The following DLG2 variants were observed in gnomAD, a reference collection of about 807,000 sequenced individuals.
DLG2 encodes discs large MAGUK scaffold protein 2, also known as disks large homolog 2.
DLG2 carries 45 observed loss-of-function variants against 132.5 expected under a neutral mutation model. That is an observed-to-expected ratio of 0.34 (90% confidence interval 0.27 to 0.44). The LOEUF is 0.44. DLG2 is among the 20% of genes least tolerant of loss of function. DLG2 has a pLI of 1.00. For synonymous variants in DLG2, 424 were observed against 419.6 expected (o/e 1.01, Z -0.13); for missense variants, 1,045 against 1,196.9 (o/e 0.87, Z 1.87).
At chr11:85,251,793 A>T (rs2076408861) in intron 4 of DLG2, among the ~76,000 whole-genome samples, 1 of 152,014 alleles carries the variant, frequency 6.6e-6, no homozygotes, top group Non-Finnish European at 1.5e-5. Flanking sequence ...AATATCATAC[A>T]ATATTTTATG....
At chr11:84,944,339 C>T (rs2049902918) in intron 6 of DLG2, among the ~76,000 whole-genome samples, 1 of 152,166 alleles carries the variant, frequency 6.6e-6, no homozygotes. Flanking sequence ...TCTCCATCTA[C>T]TTCCTCTTTA....
At chr11:83,784,092 G>A (rs1298378338) in intron 18 of DLG2, among the ~76,000 whole-genome samples, 1 of 152,132 alleles carries the variant, frequency 6.6e-6, no homozygotes, top group Non-Finnish European at 1.5e-5. Context: ...TGTATTCACT[G>A]AAAGTCTAAT....
At chr11:84,641,800 G>C (rs980148638) in intron 6 of DLG2, among the ~76,000 whole-genome samples, 4 of 151,940 alleles carry the variant, frequency 2.6e-5, no homozygotes, top group Non-Finnish European at 4.4e-5. Flanking sequence ...AAAATGCTTA[G>C]AACATTACCT....
intron 7 of DLG2, among the ~76,000 whole-genome samples, chr11:84,420,645 GTTTTCTTTTTT>G (rs2098945974): frequency 1.8e-4 from 9 of 48,944 alleles, no homozygotes; most frequent in Non-Finnish European, 4.4e-4. Context: ...ACCAATGCTT[GTTTTCTTTTTT>G]TTTTTTTTTT....
chr11:84,263,556 A>AT (rs2097573975), intron 7 of DLG2, among the ~76,000 whole-genome samples: 1 of 152,136 alleles, frequency 6.6e-6, no homozygotes, highest in African/African-American at 2.4e-5. Context: ...TCTCTTCTAT[A>AT]TAAAGAGTAA....
intron 6 of DLG2, among the ~76,000 whole-genome samples, chr11:84,661,888 G>A (rs1394058561): frequency 6.6e-6 from 1 of 152,146 alleles, no homozygotes; most frequent in African/African-American, 2.4e-5. Flanking sequence ...CTCATCTCAA[G>A]TTTCCTTAAA....
chr11:84,365,496 T>A (rs1405800214), intron 7 of DLG2, among the ~76,000 whole-genome samples: 1 of 152,162 alleles, frequency 6.6e-6, no homozygotes, highest in Non-Finnish European at 1.5e-5. Flanking sequence ...AAGGGTTTTT[T>A]ATGTCTCTAT....
chr11:85,149,492 C>T (rs2077086514), intron 5 of DLG2, among the ~76,000 whole-genome samples: 1 of 152,066 alleles, frequency 6.6e-6, no homozygotes. Flanking sequence ...ACTTCCCATC[C>T]CATCTTTGTT....
At chr11:83,709,546 C>T (rs1265680086) in intron 18 of DLG2, among the ~76,000 whole-genome samples, 1 of 152,004 alleles carries the variant, frequency 6.6e-6, no homozygotes, top group Non-Finnish European at 1.5e-5. Context: ...TTTACCACCC[C>T]AGTGCTGGTA....
intron 9 of DLG2, among the ~76,000 whole-genome samples, chr11:84,144,246 G>A (rs760560259): frequency 3.9e-5 from 6 of 151,984 alleles, no homozygotes; most frequent in African/African-American, 9.7e-5. Context: ...TTTGATTTAC[G>A]GTCTGTAGAT....
chr11:84,201,387 A>G (rs932028269), intron 8 of DLG2, among the ~76,000 whole-genome samples: 1 of 152,170 alleles, frequency 6.6e-6, no homozygotes, highest in African/African-American at 2.4e-5. Flanking sequence ...TTCATCAAGC[A>G]TCGTGCCCTG....
intron 7 of DLG2, among the ~76,000 whole-genome samples, chr11:84,292,236 T>G (rs758912886): frequency 6.6e-6 from 1 of 152,040 alleles, no homozygotes; most frequent in Non-Finnish European, 1.5e-5. Context: ...AGGCTCAGAG[T>G]AACGACATAT....
At chr11:85,487,172 C>T (rs1189598121) in intron 3 of DLG2, among the ~76,000 whole-genome samples, 2 of 151,308 alleles carry the variant, frequency 1.3e-5, no homozygotes, top group African/African-American at 2.4e-5. Flanking sequence ...AAAATCCTCC[C>T]CCATGAAAGC....
chr11:85,507,282 G>A lies in DLG2; in HGVS notation c.40+91375C>T, dbSNP rs551394380. Among the ~76,000 whole-genome samples, 6 of 152,234 alleles carry A rather than the reference G, an allele frequency of 3.9e-5. No homozygotes were observed. In the South Asian group the frequency reaches 1.2e-3, roughly 32 times the overall value. ...TGTTAGCTGGTTATTTTGCTTGTTAGTTGATGCAGTTTCTTCCTAGCATCA... is the reference window on the plus strand; with the variant it reads ...TGTTAGCTGGTTATTTTGCTTGTTAATTGATGCAGTTTCTTCCTAGCATCA... On this transcript the variant is annotated intron_variant, in intron 3 of 27. Transcript: ENST00000376104.
intron 6 of DLG2, among the ~76,000 whole-genome samples, chr11:85,015,036 C>T (rs998488571): frequency 6.6e-6 from 1 of 152,126 alleles, no homozygotes. Flanking sequence ...TTTAAGCCTC[C>T]CCTCTTGACT....
intron 5 of DLG2, among the ~76,000 whole-genome samples, chr11:85,139,718 T>C (rs187047202): frequency 1.3e-5 from 2 of 152,210 alleles, no homozygotes; most frequent in East Asian, 3.9e-4. Context: ...TGGTGTACAT[T>C]AGCTCTTTAG....
chr11:83,586,754 G>A (rs1448139211), intron 19 of DLG2, among the ~76,000 whole-genome samples: 8 of 152,156 alleles, frequency 5.3e-5, no homozygotes, highest in Non-Finnish European at 8.8e-5. Context: ...ACCAGCTTGC[G>A]TAAGTTTTCA....
At chr11:83,955,990 A>T (rs1591783378) in intron 14 of DLG2, among the ~76,000 whole-genome samples, 1 of 152,112 alleles carries the variant, frequency 6.6e-6, no homozygotes, top group Admixed American at 6.5e-5. Context: ...TCACCTTGTG[A>T]TCATGTGAGT....
intron 2 of DLG2, among the ~76,000 whole-genome samples, chr11:85,609,269 C>T (rs544807475): frequency 6.6e-6 from 1 of 152,180 alleles, no homozygotes; most frequent in Admixed American, 6.5e-5. Flanking sequence ...ACATTTATTA[C>T]CCAATCAGCT....
Sources: gnomAD v4.1 joint callset for allele counts (sites outside exome capture counted in the v4.1 genomes callset) on GRCh38, gnomAD v4.1.1 for gene constraint, MANE v1.5 for transcripts, NCBI Gene and HGNC (gene_info 2026-07-23, HGNC 2026-07-21) for gene names.